Variants in PGM1 observed in about 807,000 individuals in gnomAD.
PGM1 encodes the protein phosphoglucomutase-1.
A neutral mutation model predicts 55.6 loss-of-function variants in PGM1; 52 were observed. The ratio of observed to expected loss-of-function variants is 0.94; its 90% CI spans 0.75 to 1.18. The LOEUF is 1.18. PGM1 is among the 50% of genes most tolerant of loss of function. The pLI is 0.00. For missense variants in PGM1, 724 were observed against 729.3 expected, an observed-to-expected ratio of 0.99 and a Z score of 0.08; for synonymous variants, 287 against 271.7, an observed-to-expected ratio of 1.06 and a Z score of -0.55.
chr1:63,627,063 C>G (rs867496058), intron 1 of PGM1, among the ~76,000 whole-genome samples: 15 of 125,216 alleles, frequency 1.2e-4, no homozygotes, highest in African/African-American at 3.2e-4. Context: ...ACCCCCCCCC[C>G]CCCACACACA....
intron 1 of PGM1, among the ~76,000 whole-genome samples, chr1:63,595,527 T>G (rs1388048009): frequency 2.6e-5 from 4 of 152,226 alleles, no homozygotes; most frequent in African/African-American, 9.6e-5. Flanking sequence ...CTGGATTTGT[T>G]TACTTTGTGG....
chr1:63,659,653 C>T lies in PGM1; in HGVS notation c.1667C>T (p.Thr556Ile), dbSNP rs1650065704. 4 of 1,613,716 alleles carry T rather than the reference C, an allele frequency of 2.5e-6. No individual in the cohort carries two copies. The highest frequency in any genetic ancestry group is 2.7e-5 in the African/African-American group (2 of 74,922). The stretch of plus-strand genomic sequence containing the variant: ...CAGCTGCAGGAGAGGACGGGACGCA[C>T]TGCACCCACTGTCATCACCTAAGAA... ...VSQLQERTGR[T>I]APTVIT Residue 556 changes from threonine to isoleucine, a missense_variant, in exon 11 of 11, where the codon ACT becomes ATT. Around this residue, in one of 3 missense-constraint regions of PGM1, gnomAD observed 316 missense variants for 313.1 expected, o/e 1.01. Transcript: ENST00000371084.
chr1:63,634,192 T>G (rs1484282570), intron 4 of PGM1, among the ~76,000 whole-genome samples: 1 of 151,942 alleles, frequency 6.6e-6, no homozygotes, highest in African/African-American at 2.4e-5. Context: ...GCAAATGTCT[T>G]TACCTCAGAA....
At chr1:63,647,272 A>G (rs1220028712) in intron 7 of PGM1, among the ~76,000 whole-genome samples, 2 of 15,376 alleles carry the variant, frequency 1.3e-4, no homozygotes, top group Non-Finnish European at 1.9e-4. Context: ...ATATATATAT[A>G]TATATATATA....
chr1:63,642,833 A>T (rs2269243), intron 7 of PGM1, among the ~76,000 whole-genome samples: 83,260 of 152,064 alleles, frequency 0.55, 23,320 homozygotes, highest in African/African-American at 0.65. Context: ...TTTTAGTTTC[A>T]TATGAAAAGT....
chr1:63,634,440 G>A (rs556129846), intron 4 of PGM1, among the ~76,000 whole-genome samples: 26 of 152,210 alleles, frequency 1.7e-4, no homozygotes, highest in Admixed American at 1.2e-3. Flanking sequence ...GGCAGAGCTG[G>A]GATTTGAACC....
At chr1:63,641,829 G>T (rs1309334135) in intron 7 of PGM1, among the ~76,000 whole-genome samples, 1 of 152,202 alleles carries the variant, frequency 6.6e-6, no homozygotes, top group Admixed American at 6.5e-5. Flanking sequence ...GTAGAGCCCA[G>T]CATAGAACAG....
chr1:63,597,028 A>G (rs1374893897), intron 1 of PGM1, among the ~76,000 whole-genome samples: 1 of 152,226 alleles, frequency 6.6e-6, no homozygotes, highest in African/African-American at 2.4e-5. Flanking sequence ...TGTACTTGAG[A>G]TACAAAATAT....
At chr1:63,651,877 G>T in intron 9 of PGM1, 25 bp downstream of exon 9, 2 of 1,593,790 alleles carry the variant, frequency 1.3e-6, no homozygotes, top group South Asian at 2.2e-5. Flanking sequence ...GTGTGTAAGT[G>T]AGAGAGAGAC....
chr1:63,622,165 C>G (rs371912255), intron 1 of PGM1, among the ~76,000 whole-genome samples: 2 of 152,056 alleles, frequency 1.3e-5, no homozygotes, highest in Non-Finnish European at 2.9e-5. Flanking sequence ...GCTGTGACTA[C>G]GGGTGCACGC....
chr1:63,607,276 G>A (rs1648447741), intron 1 of PGM1, among the ~76,000 whole-genome samples: 1 of 152,190 alleles, frequency 6.6e-6, no homozygotes, highest in South Asian at 2.1e-4. Flanking sequence ...ATCATGAGAA[G>A]CAAAGTAAGG....
intron 4 of PGM1, among the ~76,000 whole-genome samples, chr1:63,633,912 GTGTGTGTATATATATA>G (rs1205749796): frequency 1.8e-4 from 6 of 34,270 alleles, no homozygotes; most frequent in African/African-American, 1.5e-3. Context: ...GTGTGTGTGT[GTGTGTGTATATATATA>G]TATATTTTTT....
At chr1:63,612,093 C>G (rs1648582305) in intron 1 of PGM1, among the ~76,000 whole-genome samples, 1 of 151,908 alleles carries the variant, frequency 6.6e-6, no homozygotes, top group African/African-American at 2.4e-5. Context: ...CCCATCTCTA[C>G]TAAAAATACA....
At chr1:63,609,432 GGATGA>G (rs1474712580) in intron 1 of PGM1, among the ~76,000 whole-genome samples, 1 of 152,206 alleles carries the variant, frequency 6.6e-6, no homozygotes. Flanking sequence ...TGGGGGTACA[GGATGA>G]GTAAGACAAA....
rs371814836 is a variant in PGM1 at position 63,659,693 on chromosome 1, G to T, written c.*18G>T. 1.9e-6 allele frequency: 3 copies of T among 1,586,962 alleles called. No homozygotes were observed. The East Asian group carries it at 6.7e-5, about 35-fold the overall frequency. On this transcript the variant is annotated 3_prime_UTR_variant, in exon 11 of 11. Coordinates refer to ENST00000371084, the MANE Select transcript of PGM1 (RefSeq NM_002633.3). ...TCACCTAAGAAGACAGGCCTGATGT[G>T]GTACGTCCCTCCACCCCCGGACCCA...
intron 1 of PGM1, among the ~76,000 whole-genome samples, chr1:63,604,195 C>T (rs1423995083): frequency 1.3e-5 from 2 of 152,150 alleles, no homozygotes; most frequent in Admixed American, 6.5e-5. Context: ...ACCACGTAGC[C>T]TATAAGGAAT....
chr1:63,652,601 C>A (rs1350182920), intron 9 of PGM1, among the ~76,000 whole-genome samples: 1 of 152,142 alleles, frequency 6.6e-6, no homozygotes, highest in Non-Finnish European at 1.5e-5. Flanking sequence ...TCATCTCTCA[C>A]AATTCATAAT....
intron 1 of PGM1, among the ~76,000 whole-genome samples, chr1:63,610,780 G>A (rs2100965977): frequency 6.6e-6 from 1 of 152,294 alleles, no homozygotes; most frequent in African/African-American, 2.4e-5. Context: ...CCTGGGGGGA[G>A]GGAGAACTGT....
chr1:63,596,388 C>T (rs1025986040), intron 1 of PGM1, among the ~76,000 whole-genome samples: 2 of 151,358 alleles, frequency 1.3e-5, no homozygotes, highest in Non-Finnish European at 2.9e-5. Flanking sequence ...TCCTGAGTAG[C>T]TGGGATGACA....
Sources: gnomAD v4.1 joint callset for allele counts (sites outside exome capture counted in the v4.1 genomes callset) on GRCh38, gnomAD v4.1.1 for gene constraint, gnomAD v4.1.1 regional missense constraint, MANE v1.5 for transcripts, NCBI Gene and HGNC (gene_info 2026-07-23, HGNC 2026-07-21) for gene names.